PDZD8: variants seen among roughly 807,000 people sequenced by gnomAD.
PDZD8 encodes PDZ domain-containing protein 8.
Under a neutral mutation model 85.8 loss-of-function variants are expected in PDZD8, and 14 were observed. That is an observed-to-expected ratio of 0.16 (90% CI 0.11 to 0.26). The LOEUF is 0.26. Ranked by LOEUF, PDZD8 falls within the 10% of genes least tolerant of loss-of-function variation. The pLI, the probability that PDZD8 is intolerant of heterozygous loss-of-function variation, is 1.00. For synonymous variants in PDZD8, 592 were observed against 568.6 expected (o/e 1.04, Z -0.59); for missense variants, 1,197 against 1,424.3 (o/e 0.84, Z 2.57).
intron 1 of PDZD8, among the ~76,000 whole-genome samples, chr10:117,355,819 TG>T (rs1844883610): frequency 1.3e-5 from 2 of 152,208 alleles, no homozygotes; most frequent in Admixed American, 1.3e-4. Flanking sequence ...AGCTATTTAA[TG>T]ATATGACATA....
intron 2 of PDZD8, among the ~76,000 whole-genome samples, chr10:117,338,941 C>T (rs1346218500): frequency 6.6e-6 from 1 of 152,038 alleles, no homozygotes; most frequent in Admixed American, 6.6e-5. Context: ...AACATTAAAG[C>T]AAATGAACTA....
rs530861201 is a variant in PDZD8 at position 117,306,541 on chromosome 10, A to T, written c.1098+12331T>A. Among the ~76,000 whole-genome samples, 3 of 152,308 alleles carry T rather than the reference A, an allele frequency of 2.0e-5. No individual in the cohort carries two copies. The South Asian group carries it at 6.2e-4, about 32-fold the overall frequency. ...TTTAATTCCTTTGTTAAATAGAAAC[A>T]GTTCTTATTCTGAATCACCAGGTCA... On this transcript the variant is annotated intron_variant, in intron 3 of 4. Transcript: ENST00000334464.
chr10:117,306,298 C>T (rs993680212), intron 3 of PDZD8, among the ~76,000 whole-genome samples: 2 of 152,138 alleles, frequency 1.3e-5, no homozygotes, highest in African/African-American at 4.8e-5. Flanking sequence ...AAAAATGATC[C>T]TCTGCTCAGG....
intron 1 of PDZD8, among the ~76,000 whole-genome samples, chr10:117,353,697 A>C (rs1844845339): frequency 6.7e-6 from 1 of 149,934 alleles, no homozygotes; most frequent in Non-Finnish European, 1.5e-5. Context: ...GGTGTGTGGC[A>C]AGATGAACAA....
At position 117,375,418 on chromosome 10, in the gene PDZD8, A is replaced by C. The variant is rs1478987822; in HGVS notation, c.-191T>G. On this transcript the variant is annotated 5_prime_UTR_variant, in exon 1 of 5. Coordinates refer to ENST00000334464, the MANE Select transcript of PDZD8 (RefSeq NM_173791.5). ...AGCCCGCAGCGGCCCGCGCCTCCTC[A>C]GACGCTCCCGAAGGGCCGGTGTGGC... 5 of 288,656 alleles carry C rather than the reference A, an allele frequency of 1.7e-5. No homozygotes were observed. The highest frequency in any genetic ancestry group is 1.5e-4 in the South Asian group (1 of 6,656). 17.9% of individuals were successfully genotyped at this position (288,656 alleles called of 1,614,324 possible).
chr10:117,309,368 A>G lies in PDZD8; in HGVS notation c.1098+9504T>C, dbSNP rs1370552701. Among the ~76,000 whole-genome samples, 13 of 145,956 alleles carry G rather than the reference A, an allele frequency of 8.9e-5. No individual in the cohort carries two copies. The East Asian group carries it at 2.6e-3, about 29-fold the overall frequency. ...ATTCAACTTATTAGTTAAGATACTA[A>G]AAGTTGAAATAACAGCAGTAAAAAT... On this transcript the variant is annotated intron_variant, in intron 3 of 4. Transcript: ENST00000334464.
rs1243702844 is a variant in PDZD8 at position 117,374,611 on chromosome 10, A to C, written c.617T>G (p.Ile206Ser). Residue 206 changes from isoleucine (I) to serine (S), a missense_variant, in exon 1 of 5, where the codon ATC (isoleucine) becomes AGC (serine). By Grantham distance (142) the Ile-to-Ser change is moderately radical. Coordinates refer to ENST00000334464, the MANE Select transcript of PDZD8 (RefSeq NM_173791.5). The surrounding 1 kb of genome is among the most constrained non-coding windows in gnomAD (Gnocchi z 7.8). ...CTTGCCGAAGACCAGGTCCACGTCG[A>C]TGGCCAGGTGGAAGCCCCCGTTGTA... ...VEYNGGFHLA[I>S]DVDLVFGKSA... The C allele has an allele frequency of 6.3e-7, 1 of 1,588,060 alleles. No individual in the cohort carries two copies. Among genetic ancestry groups the C allele is most frequent in the African/African-American group, 1.3e-5 (1 of 74,602 alleles).
At chr10:117,371,677 G>A (rs1845195965) in intron 1 of PDZD8, among the ~76,000 whole-genome samples, 1 of 152,172 alleles carries the variant, frequency 6.6e-6, no homozygotes, top group Admixed American at 6.5e-5. Flanking sequence ...GCTCACACCT[G>A]TAATCCCAGC....
chr10:117,340,915 G>A lies in PDZD8; in HGVS notation c.995+65C>T, dbSNP rs541581501. ...TAAATGAACACACAACACAAATACTGCTTAGGAATATTTTCACTGCACTGT... is the reference window on the plus strand; with the variant it reads ...TAAATGAACACACAACACAAATACTACTTAGGAATATTTTCACTGCACTGT... On this transcript the variant is annotated intron_variant, in intron 2 of 4. Transcript: ENST00000334464. 64 of 1,559,952 alleles carry A rather than the reference G, an allele frequency of 4.1e-5. No homozygotes were observed. The South Asian group carries it at 6.0e-4, about 15-fold the overall frequency.
intron 3 of PDZD8, among the ~76,000 whole-genome samples, chr10:117,293,404 T>A (rs1844802315): frequency 6.6e-6 from 1 of 152,118 alleles, no homozygotes; most frequent in African/African-American, 2.4e-5. Context: ...TTCCTGTACA[T>A]GGTGAAGCAT....
intron 2 of PDZD8, among the ~76,000 whole-genome samples, chr10:117,329,180 CAT>C (rs575540634): frequency 6.0e-4 from 91 of 152,198 alleles, no homozygotes; most frequent in African/African-American, 1.7e-3. Context: ...TATAAACAAA[CAT>C]GTGTTAAATA....
At chr10:117,319,392 A>C (rs1295338030) in intron 2 of PDZD8, among the ~76,000 whole-genome samples, 1 of 101,716 alleles carries the variant, frequency 9.8e-6, no homozygotes, top group African/African-American at 3.1e-5. Context: ...ATTGCTCATA[A>C]ACACACACAC....
rs1266022340 is a variant in PDZD8, at chr10:117,312,623, G to C, written c.1098+6249C>G. Among the ~76,000 whole-genome samples the C allele has an allele frequency of 2.0e-5, 3 of 152,122 alleles. No homozygotes were observed. In the East Asian group the frequency reaches 5.8e-4, roughly 29 times the overall value. The stretch of plus-strand genomic sequence containing the variant: ...AGCGTGAATCATCTGATTATCATCA[G>C]GAACATGAGATTTATCTTCATTGCT... On this transcript the variant is annotated intron_variant, in intron 3 of 4. Coordinates refer to ENST00000334464, the MANE Select transcript of PDZD8 (RefSeq NM_173791.5).
chr10:117,284,426 G>C lies in PDZD8; in HGVS notation c.2307C>G (p.Thr769=). Residue 769 remains threonine (T), a synonymous_variant, in exon 5 of 5, where the codon ACC becomes ACG. Transcript: ENST00000334464. ...TTTGCATACTCAGATTGCGTAGTGC[G>C]GTTCTAGTGACTATAGCCTTAGGTG... is the stretch of plus-strand genomic sequence containing the variant. ...APSPKAIVTR[T]ALRNLSMQKG... 1.7e-5 allele frequency: 28 copies of C among 1,614,076 alleles called. No individual in the cohort carries two copies. Among genetic ancestry groups the C allele is most frequent in the Non-Finnish European group, 2.1e-5 (25 of 1,179,988 alleles).
At chr10:117,373,533 G>A (rs142859710) in intron 1 of PDZD8, among the ~76,000 whole-genome samples, 6,015 of 150,290 alleles carry the variant, frequency 0.04, 139 homozygotes, top group East Asian at 0.066. Context: ...CGAGGCAGGC[G>A]GATTACTTGA....
intron 2 of PDZD8, among the ~76,000 whole-genome samples, chr10:117,336,611 T>A (rs1476257060): frequency 1.3e-5 from 2 of 151,728 alleles, no homozygotes; most frequent in African/African-American, 4.8e-5. Context: ...GAACAGCTTG[T>A]TACATCAGAA....
At position 117,283,982 on chromosome 10, in the gene PDZD8, A is replaced by G. The variant is rs114902809; in HGVS notation, c.2751T>C (p.Pro917=). The G allele has an allele frequency of 6.2e-7, 1 of 1,614,220 alleles. No individual in the cohort carries two copies. Among genetic ancestry groups the G allele is most frequent in the Non-Finnish European group, 8.5e-7 (1 of 1,180,030 alleles). The part of the protein sequence containing the change: ...LEGQETLLGL[P]PRVDAEASKS... ...TGCTAGCTTCAGCATCAACACGAGG[A>G]GGCAGGCCTAAGAGGGTTTCCTGTC... Residue 917 remains proline (P), a synonymous_variant, in exon 5 of 5, where the codon CCT becomes CCC. Coordinates refer to ENST00000334464, the MANE Select transcript of PDZD8 (RefSeq NM_173791.5).
chr10:117,310,913 T>G (rs1357598626), intron 3 of PDZD8, among the ~76,000 whole-genome samples: 1 of 152,202 alleles, frequency 6.6e-6, no homozygotes, highest in Non-Finnish European at 1.5e-5. Flanking sequence ...ATTTGTAAGT[T>G]TGTCTGTCTC....
intron 4 of PDZD8, among the ~76,000 whole-genome samples, chr10:117,288,262 A>T (rs1241213282): frequency 6.6e-6 from 1 of 152,210 alleles, no homozygotes; most frequent in Non-Finnish European, 1.5e-5. Context: ...GTTTTGAAAA[A>T]TATCTGTTGA....
Sources: allele counts gnomAD v4.1 joint callset (sites outside exome capture counted in the v4.1 genomes callset), GRCh38; gene constraint gnomAD v4.1.1; non-coding constraint Gnocchi (gnomAD v3.1); transcripts MANE v1.5; gene names NCBI Gene and HGNC (gene_info 2026-07-23, HGNC 2026-07-21).